The following DOK3 variants were observed in gnomAD, a reference collection of about 807,000 sequenced individuals.
The protein encoded by DOK3 is docking protein 3.
A neutral mutation model predicts 26.2 loss-of-function variants in DOK3; 23 were observed. The observed-to-expected ratio is 0.88, with a 90% CI of 0.63 to 1.24. The LOEUF (loss-of-function observed/expected upper bound fraction) is 1.24, where lower values mean the gene tolerates loss of function less well. Among genes scored for constraint, DOK3 ranks in the 50% most tolerant of loss-of-function variants. DOK3 has a pLI of 0.00. For missense variants in DOK3, 619 were observed against 610.6 expected, an observed-to-expected ratio of 1.01 and a Z score of -0.15; for synonymous variants, 268 against 268.2, an observed-to-expected ratio of 1.00 and a Z score of 0.01.
Position 177,509,467 on chromosome 5 carries a change from G to T in DOK3, c.66+8C>A, listed in dbSNP as rs1449205508. On this transcript the variant is annotated splice_region_variant and intron_variant, in intron 2 of 5. Transcript: ENST00000510898. Reference sequence around the variant, plus strand: ...CTTGGCAGCTGCCTGGCAGCCAGGGGTCCCCACCTTGCCAAACTTGACATG... The same window carrying T: ...CTTGGCAGCTGCCTGGCAGCCAGGGTTCCCCACCTTGCCAAACTTGACATG... 7 of 1,604,864 alleles carry T rather than the reference G, an allele frequency of 4.4e-6. No individual in the cohort carries two copies. Among genetic ancestry groups the T allele is most frequent in the Non-Finnish European group, 6.0e-6 (7 of 1,175,474 alleles).
At position 177,508,369 on chromosome 5, in the gene DOK3, C is replaced by T. The variant is rs926937930; in HGVS notation, c.240G>A (p.Val80=). 10 of 1,602,546 alleles carry T rather than the reference C, an allele frequency of 6.2e-6. No individual in the cohort carries two copies. Among genetic ancestry groups the T allele is most frequent in the Non-Finnish European group, 7.6e-6 (9 of 1,179,108 alleles). Residue 80 remains valine (V), a synonymous_variant, in exon 3 of 6, where the codon GTG becomes GTA. Coordinates refer to ENST00000510898, the MANE Select transcript of DOK3 (RefSeq NM_001308236.3). ...RVIRLADCVS[V]LPADGESCPR... Reference sequence around the variant, plus strand: ...GGCAGCTCTCGCCGTCAGCCGGCAGCACGGACACACAGTCAGCCAGGCGGA... The same window carrying T: ...GGCAGCTCTCGCCGTCAGCCGGCAGTACGGACACACAGTCAGCCAGGCGGA...
At chr5:177,509,015 A>G (rs1258988111) in intron 2 of DOK3, 1 of 186,612 alleles carries the variant, frequency 5.4e-6, no homozygotes, top group East Asian at 1.4e-4. Context: ...CTGCCTGGGC[A>G]GCAGCTGCAG....
chr5:177,506,038 C>T (rs990756898), intron 3 of DOK3, among the ~76,000 whole-genome samples: 4 of 151,534 alleles, frequency 2.6e-5, no homozygotes, highest in East Asian at 3.9e-4. Context: ...GCGCCCAGCC[C>T]GCCTCCCGGG....
At chr5:177,510,195 C>T (rs1282508973), upstream of DOK3, 1 of 447,494 alleles carries the variant, frequency 2.2e-6, no homozygotes, top group Non-Finnish European at 4.1e-6. Flanking sequence ...CTCAGCCCAA[C>T]ACTCAGGGAC....
intron 2 of DOK3, 95 bp from the exon 3 acceptor site, chr5:177,508,637 A>G (rs1185187515): frequency 3.7e-6 from 5 of 1,347,426 alleles, no homozygotes; most frequent in Admixed American, 2.8e-5. Flanking sequence ...GCTCCCAGCC[A>G]GGAGCGGGCC....
rs1760705893 is a variant in DOK3, at chr5:177,509,576, C to T, written c.-36G>A. ...AGGAGCAGGGCCGCCGCTTCAAGAC[C>T]TGGGGAGACTGATGACAGGCTGGAC... is the stretch of plus-strand genomic sequence containing the variant. On this transcript the variant is annotated 5_prime_UTR_variant, in exon 2 of 6. Coordinates refer to ENST00000510898, the MANE Select transcript of DOK3 (RefSeq NM_001308236.3). 6.2e-7 allele frequency: 1 copy of T among 1,608,508 alleles called. No individual in the cohort carries two copies. Among genetic ancestry groups the T allele is most frequent in the Admixed American group, 1.7e-5 (1 of 59,328 alleles).
At chr5:177,508,579 T>A in intron 2 of DOK3, 37 bp from the exon 3 acceptor site, 1 of 1,477,400 alleles carries the variant, frequency 6.8e-7, no homozygotes, top group South Asian at 1.3e-5. Context: ...GACCCTTGGG[T>A]GGCAGATTGT....
intron 4 of DOK3, 47 bp from the exon 5 acceptor site, chr5:177,504,962 G>C (rs1759893411): frequency 6.3e-7 from 1 of 1,582,472 alleles, no homozygotes; most frequent in African/African-American, 1.4e-5. Context: ...AAAAGACCCA[G>C]CCCTGGGTGT....
intron 1 of DOK3, 36 bp from the exon 2 acceptor site, chr5:177,509,693 CAG>C (rs1561725769): frequency 6.2e-7 from 1 of 1,602,704 alleles, no homozygotes; most frequent in East Asian, 2.2e-5. Context: ...GTCTTCAGCT[CAG>C]GGGCTGGGGG....
rs376170451 is a variant in DOK3 at position 177,504,942 on chromosome 5, G to A, written c.473-27C>T. 4.8e-4 allele frequency: 752 copies of A among 1,577,852 alleles called. 1 individual carries two copies. Among genetic ancestry groups the A allele is most frequent in the Non-Finnish European group, 5.8e-4 (671 of 1,160,506 alleles). ...TGTGGCAGGTGGCCAGGACAGCTCC[G>A]TCAGTCCCAAAAAGACCCAGCCCTG... On this transcript the variant is annotated intron_variant, in intron 4 of 5. Transcript: ENST00000510898.
At chr5:177,505,837 C>T (rs897092788) in intron 3 of DOK3, among the ~76,000 whole-genome samples, 3 of 151,964 alleles carry the variant, frequency 2.0e-5, no homozygotes, top group Non-Finnish European at 2.9e-5. Context: ...CCCAGGTTCA[C>T]GCCATTCTCC....
At chr5:177,507,034 C>G (rs1461425460) in intron 3 of DOK3, among the ~76,000 whole-genome samples, 1 of 152,148 alleles carries the variant, frequency 6.6e-6, no homozygotes, top group Non-Finnish European at 1.5e-5. Context: ...TTGCCACTGT[C>G]TAGTTCCAGA....
chr5:177,509,429 C>T lies in DOK3; in HGVS notation c.66+46G>A, dbSNP rs370584446. On this transcript the variant is annotated intron_variant, in intron 2 of 5. Transcript: ENST00000510898. ...GCAGGGGCAGAGGCTGCATTCTCCA[C>T]CCACTGTTGGTCCTTGGCAGCTGCC... 5 of 1,572,696 alleles carry T rather than the reference C, an allele frequency of 3.2e-6. No individual in the cohort carries two copies. The African/African-American group carries it at 5.4e-5, about 17-fold the overall frequency.
intron 2 of DOK3, 136 bp downstream of exon 2, chr5:177,509,339 C>T (rs1299887397): frequency 1.7e-6 from 2 of 1,189,774 alleles, no homozygotes; most frequent in Non-Finnish European, 2.3e-6. Context: ...ACTCCCCATA[C>T]CTGGGTGGGA....
rs199714101 is a variant in DOK3, at chr5:177,505,095, A to C, written c.388T>G (p.Ser130Ala). 1.6e-5 allele frequency: 26 copies of C among 1,610,642 alleles called. No homozygotes were observed. The East Asian group carries it at 5.1e-4, about 32-fold the overall frequency. Residue 130 changes from serine (S) to alanine (A), a missense_variant, in exon 4 of 6, where the codon TCC becomes GCC. Coordinates refer to ENST00000510898, the MANE Select transcript of DOK3 (RefSeq NM_001308236.3). ...GACTGGGCATCTGTGGATCCTGAGG[A>C]GGCCTCCCCTGTCCCCTGGGGAATG... ...QLAFPGTGEA[S>A]SGSTDAQSPK...
Position 177,504,422 on chromosome 5 carries a change from G to A in DOK3, c.884C>T (p.Thr295Met), listed in dbSNP as rs371251523. 34 of 1,572,276 alleles carry A rather than the reference G, an allele frequency of 2.2e-5. No homozygotes were observed. Among genetic ancestry groups the A allele is most frequent in the African/African-American group, 9.5e-5 (7 of 73,800 alleles). The change falls in exon 6 of 6, where the codon ACG becomes ATG. Residue 295 changes from threonine (T) to methionine (M), a missense_variant. Thr to Met is a moderately conservative substitution (Grantham distance 81). Coordinates refer to ENST00000510898, the MANE Select transcript of DOK3 (RefSeq NM_001308236.3). The part of the protein sequence containing the change: ...REMPPGPEPP[T>M]SRKMHLAEPG... ...CTCGGCCAGGTGCATTTTCCTGGAC[G>A]TGGGTGGCTCAGGTCCTGGTGGCAT...
At position 177,503,060 on chromosome 5, in the gene DOK3, G is replaced by A. The variant is rs1255070318; in HGVS notation, c.*923C>T. 4.5e-6 allele frequency: 7 copies of A among 1,540,904 alleles called. No individual in the cohort carries two copies. Among genetic ancestry groups the A allele is most frequent in the Non-Finnish European group, 6.1e-6 (7 of 1,139,394 alleles). ...AAAATGAGGTTCAGGATGTGCCAAGGGTGTGTGCAGCTGAGGTGGAGTTGC... is the reference window on the plus strand; with the variant it reads ...AAAATGAGGTTCAGGATGTGCCAAGAGTGTGTGCAGCTGAGGTGGAGTTGC... On this transcript the variant is annotated 3_prime_UTR_variant, in exon 6 of 6. Coordinates refer to ENST00000510898, the MANE Select transcript of DOK3 (RefSeq NM_001308236.3).
chr5:177,504,481 C>A lies in DOK3; in HGVS notation c.825G>T (p.Leu275=). The change falls in exon 6 of 6, where the codon CTG becomes CTT. Residue 275 remains leucine (L), a synonymous_variant. Coordinates refer to ENST00000510898, the MANE Select transcript of DOK3 (RefSeq NM_001308236.3). ...QPCPLPRATS[L]PSLDTPGELR... is the part of the protein sequence containing the mutation. ...GCTCTCCGGGGGTGTCCAGGGAGGGCAGAGAGGTGGCCCGTGGCAGGGGGC... is the reference window on the plus strand; with the variant it reads ...GCTCTCCGGGGGTGTCCAGGGAGGGAAGAGAGGTGGCCCGTGGCAGGGGGC... 6.3e-7 allele frequency: 1 copy of A among 1,585,370 alleles called. No homozygotes were observed. Among genetic ancestry groups the A allele is most frequent in the Non-Finnish European group, 8.6e-7 (1 of 1,168,134 alleles).
At chr5:177,507,037 G>A (rs554684330) in intron 3 of DOK3, among the ~76,000 whole-genome samples, 27 of 152,184 alleles carry the variant, frequency 1.8e-4, no homozygotes, top group African/African-American at 6.3e-4. Flanking sequence ...CCACTGTCTA[G>A]TTCCAGAACT....
Sources: allele counts gnomAD v4.1 joint callset (sites outside exome capture counted in the v4.1 genomes callset), GRCh38; gene constraint gnomAD v4.1.1; transcripts MANE v1.5; gene names NCBI Gene and HGNC (gene_info 2026-07-23, HGNC 2026-07-21).